RAP1GAP2: variants seen among roughly 807,000 people sequenced by gnomAD.
The protein encoded by RAP1GAP2 is rap1 GTPase-activating protein 2.
RAP1GAP2 carries 27 observed loss-of-function variants against 95.0 expected under a neutral mutation model. That is an observed-to-expected ratio of 0.28 (90% CI 0.21 to 0.39). RAP1GAP2 has a LOEUF of 0.39. Ranked by LOEUF, RAP1GAP2 falls within the 10% of genes least tolerant of loss-of-function variation. The pLI, the probability that RAP1GAP2 is intolerant of heterozygous loss-of-function variation, is 1.00. For missense variants in RAP1GAP2, 771 were observed against 970.0 expected (o/e 0.79, Z 2.72); for synonymous variants, 373 against 380.9 (o/e 0.98, Z 0.24).
chr17:2,872,584 A>G (rs1382497461), intron 2 of RAP1GAP2, among the ~76,000 whole-genome samples: 1 of 152,050 alleles, frequency 6.6e-6, no homozygotes, highest in Non-Finnish European at 1.5e-5. Context: ...TGTTACCCGC[A>G]GTCATGCGCG....
chr17:2,977,350 G>A (rs193035467), intron 8 of RAP1GAP2, among the ~76,000 whole-genome samples: 267 of 152,206 alleles, frequency 1.8e-3, no homozygotes, highest in African/African-American at 6.1e-3. Flanking sequence ...GAATTAGTAC[G>A]CAAAAGTATC....
At chr17:2,900,410 G>A (rs953824098) in intron 2 of RAP1GAP2, among the ~76,000 whole-genome samples, 17 of 151,998 alleles carry the variant, frequency 1.1e-4, no homozygotes, top group Non-Finnish European at 2.1e-4. Flanking sequence ...AGAACTTCAT[G>A]TTTTATGTCA....
At chr17:3,010,215 C>T (rs2046474971) in intron 17 of RAP1GAP2, among the ~76,000 whole-genome samples, 1 of 151,748 alleles carries the variant, frequency 6.6e-6, no homozygotes, top group Admixed American at 6.6e-5. Flanking sequence ...TGACGTGAGC[C>T]TGTAATCCCA....
At chr17:2,926,452 C>G (rs1381122875) in intron 3 of RAP1GAP2, among the ~76,000 whole-genome samples, 1 of 152,328 alleles carries the variant, frequency 6.6e-6, no homozygotes, top group African/African-American at 2.4e-5. Context: ...TCACTGCACA[C>G]TGTGAATATG....
At chr17:2,853,600 C>T (rs2071982517) in intron 2 of RAP1GAP2, among the ~76,000 whole-genome samples, 1 of 149,908 alleles carries the variant, frequency 6.7e-6, no homozygotes, top group African/African-American at 2.4e-5. Flanking sequence ...TCCTGCGCTT[C>T]GCCCGCTCCC....
chr17:3,031,878 G>A (rs1272297285), intron 23 of RAP1GAP2, among the ~76,000 whole-genome samples: 1 of 144,200 alleles, frequency 6.9e-6, no homozygotes, highest in East Asian at 2.5e-4. Context: ...TGTGATGTGG[G>A]AAGGGCTGGT....
chr17:2,942,894 A>G (rs2043549744), intron 3 of RAP1GAP2, among the ~76,000 whole-genome samples: 1 of 152,012 alleles, frequency 6.6e-6, no homozygotes, highest in South Asian at 2.1e-4. Flanking sequence ...TAGCCTCCTG[A>G]GTAGCTGGGA....
chr17:2,980,335 C>G lies in RAP1GAP2; in HGVS notation c.645C>G (p.Ser215Arg), dbSNP rs554959728. ...VHERIPLAGLSKLPSVPQIAK... is the reference protein window; with the variant it reads ...VHERIPLAGLRKLPSVPQIAK... ...AGCGGATCCCCTTGGCTGGACTGAGCAAGCTTCCCAGTGTCCCTCAGATTG... is the reference window on the plus strand; with the variant it reads ...AGCGGATCCCCTTGGCTGGACTGAGGAAGCTTCCCAGTGTCCCTCAGATTG... The change falls in exon 9 of 25, where the codon AGC (serine) becomes AGG (arginine). Residue 215 changes from serine to arginine, a missense_variant. Ser to Arg is a moderately radical substitution (Grantham distance 110). Transcript: ENST00000254695. The G allele has an allele frequency of 1.9e-6, 3 of 1,613,906 alleles. No homozygotes were observed. In the African/African-American group the frequency reaches 4.0e-5, roughly 22 times the overall value.
intron 2 of RAP1GAP2, among the ~76,000 whole-genome samples, chr17:2,860,594 C>CT (rs561492877): frequency 0.042 from 4,025 of 95,986 alleles, 516 homozygotes; most frequent in African/African-American, 0.079. Flanking sequence ...ACTTATTTAT[C>CT]TTTTTTTTTT....
At chr17:2,990,071 T>A (rs944019708) in intron 11 of RAP1GAP2, among the ~76,000 whole-genome samples, 1 of 152,232 alleles carries the variant, frequency 6.6e-6, no homozygotes, top group Admixed American at 6.5e-5. Flanking sequence ...TATCAGCACG[T>A]TGTTCCTTGT....
intron 17 of RAP1GAP2, among the ~76,000 whole-genome samples, chr17:3,010,832 A>G (rs1468828000): frequency 1.3e-5 from 2 of 152,176 alleles, no homozygotes; most frequent in Non-Finnish European, 2.9e-5. Context: ...CACCTACCTG[A>G]GGTAGCACCG....
intron 3 of RAP1GAP2, among the ~76,000 whole-genome samples, chr17:2,941,767 C>T (rs1433192595): frequency 6.6e-6 from 1 of 151,664 alleles, no homozygotes; most frequent in East Asian, 1.9e-4. Flanking sequence ...ACAGCAACCT[C>T]CGCCTCCCAG....
intron 2 of RAP1GAP2, among the ~76,000 whole-genome samples, chr17:2,889,876 TA>T (rs2073633911): frequency 2.5e-5 from 2 of 78,524 alleles, no homozygotes; most frequent in African/African-American, 1.1e-4. Flanking sequence ...TATATATATA[TA>T]TATATATATA....
intron 2 of RAP1GAP2, among the ~76,000 whole-genome samples, chr17:2,812,550 GCTGGTGTAGGGACCCCCAGCCCCCAT>G (rs1384837811): frequency 6.6e-6 from 1 of 152,186 alleles, no homozygotes; most frequent in Non-Finnish European, 1.5e-5. Context: ...ATGCCAGGAT[GCTGGTGTAGGGACCCCCAGCCCCCAT>G]CTGGTGGGGG....
intron 2 of RAP1GAP2, among the ~76,000 whole-genome samples, chr17:2,829,185 T>C (rs1341568758): frequency 6.6e-6 from 1 of 152,000 alleles, no homozygotes; most frequent in African/African-American, 2.4e-5. Flanking sequence ...GGTTTCGCCA[T>C]GTTGGCCAGG....
intron 18 of RAP1GAP2, 37 bp from the exon 19 acceptor site, chr17:3,020,440 G>C (rs771192105): frequency 1.1e-5 from 17 of 1,550,682 alleles, no homozygotes; most frequent in African/African-American, 2.7e-5. Flanking sequence ...ATCGGTGTTT[G>C]GGCCGGGAGC....
At chr17:2,915,636 A>G (rs1456423745) in intron 3 of RAP1GAP2, among the ~76,000 whole-genome samples, 1 of 152,176 alleles carries the variant, frequency 6.6e-6, no homozygotes, top group Admixed American at 6.5e-5. Context: ...TGTGTGTCCT[A>G]AGAAGTCTTT....
intron 3 of RAP1GAP2, among the ~76,000 whole-genome samples, chr17:2,945,979 C>T (rs1010857216): frequency 3.9e-5 from 6 of 151,902 alleles, no homozygotes; most frequent in Admixed American, 6.6e-5. Context: ...TTAGTAGAGA[C>T]GGGCTTTCAC....
intron 3 of RAP1GAP2, among the ~76,000 whole-genome samples, chr17:2,910,000 GA>G (rs1192730097): frequency 6.6e-6 from 1 of 152,168 alleles, no homozygotes; most frequent in Non-Finnish European, 1.5e-5. Context: ...CCCTTTGTGT[GA>G]AAGCTAACCA....
Sources: allele counts gnomAD v4.1 joint callset (sites outside exome capture counted in the v4.1 genomes callset), GRCh38; gene constraint gnomAD v4.1.1; transcripts MANE v1.5; gene names NCBI Gene and HGNC (gene_info 2026-07-23, HGNC 2026-07-21).